The following SORCS2 variants were observed in gnomAD, a reference collection of about 807,000 sequenced individuals.
SORCS2 encodes VPS10 domain-containing receptor SorCS2.
A neutral mutation model predicts 141.6 loss-of-function variants in SORCS2; 100 were observed. That is an observed-to-expected ratio of 0.71 (90% confidence interval 0.60 to 0.83). SORCS2 has a LOEUF of 0.83. SORCS2 is among the 40% of genes least tolerant of loss of function. The probability of loss-of-function intolerance (pLI) is 0.00; values close to 1 mark genes in which losing one functional copy is unlikely to be tolerated. For synonymous variants in SORCS2, 789 were observed against 676.9 expected, an observed-to-expected ratio of 1.17 and a Z score of -2.57; for missense variants, 1,646 against 1,560.2, an observed-to-expected ratio of 1.05 and a Z score of -0.93.
intron 2 of SORCS2, among the ~76,000 whole-genome samples, chr4:7,427,989 A>G (rs1446148482): frequency 3.3e-5 from 5 of 152,108 alleles, no homozygotes; most frequent in African/African-American, 1.2e-4. Context: ...GGGCAGGAAC[A>G]GGTTCGCTCA....
At chr4:7,288,282 C>G (rs1415702527) in intron 1 of SORCS2, among the ~76,000 whole-genome samples, 1 of 152,060 alleles carries the variant, frequency 6.6e-6, no homozygotes, top group Non-Finnish European at 1.5e-5. Context: ...AATTCGGGGC[C>G]TTGCTGAGAC....
chr4:7,390,209 C>T (rs775822465), intron 1 of SORCS2, among the ~76,000 whole-genome samples: 3 of 152,280 alleles, frequency 2.0e-5, no homozygotes, highest in South Asian at 4.1e-4. Context: ...TAAGTTCTTG[C>T]AGTCTTTTAG....
chr4:7,395,930 C>T (rs916156858), intron 1 of SORCS2, among the ~76,000 whole-genome samples: 2 of 152,244 alleles, frequency 1.3e-5, no homozygotes, highest in African/African-American at 4.8e-5. Flanking sequence ...AAATGCGCTC[C>T]ATCCTCACAT....
At chr4:7,487,337 TTA>T (rs1334569834) in intron 2 of SORCS2, among the ~76,000 whole-genome samples, 2 of 152,206 alleles carry the variant, frequency 1.3e-5, no homozygotes, top group African/African-American at 4.8e-5. Flanking sequence ...GTGGGCTGTG[TTA>T]TCCCCATCCT....
chr4:7,317,492 C>T (rs563886229), intron 1 of SORCS2, among the ~76,000 whole-genome samples: 20 of 152,242 alleles, frequency 1.3e-4, no homozygotes, highest in East Asian at 1.9e-4. Context: ...GGCCTGCCAC[C>T]GCCCTGTGCT....
At chr4:7,684,331 GA>G (rs1441008822) in intron 10 of SORCS2, among the ~76,000 whole-genome samples, 2 of 152,212 alleles carry the variant, frequency 1.3e-5, no homozygotes, top group Non-Finnish European at 2.9e-5. Flanking sequence ...AGAATGCAGA[GA>G]CTGGCCTATG....
chr4:7,484,917 C>G (rs1010769722), intron 2 of SORCS2, among the ~76,000 whole-genome samples: 1 of 151,864 alleles, frequency 6.6e-6, no homozygotes, highest in Non-Finnish European at 1.5e-5. Flanking sequence ...CTCCTTAAGG[C>G]CTCCTGGCTT....
rs142004065 is a variant in SORCS2, at chr4:7,599,799, G to A, written c.649-38529G>A. Among the ~76,000 whole-genome samples, 43 of 151,922 alleles carry A rather than the reference G, an allele frequency of 2.8e-4. No individual in the cohort carries two copies. In the East Asian group the frequency reaches 6.2e-3, roughly 22 times the overall value. On this transcript the variant is annotated intron_variant, in intron 3 of 26. Transcript: ENST00000507866. The stretch of plus-strand genomic sequence containing the variant: ...TTTGCCCTAGAGCTTCATCCTAAGA[G>A]CTGTGGGGTGGGTTTTCTTTTTTCT...
intron 2 of SORCS2, among the ~76,000 whole-genome samples, chr4:7,464,571 A>T (rs1297983018): frequency 6.6e-6 from 1 of 152,166 alleles, no homozygotes; most frequent in African/African-American, 2.4e-5. Context: ...TTAGGTTTGT[A>T]GTCTAGAACG....
At chr4:7,385,489 T>C (rs892312036) in intron 1 of SORCS2, among the ~76,000 whole-genome samples, 9 of 152,174 alleles carry the variant, frequency 5.9e-5, no homozygotes, top group Admixed American at 1.3e-4. Context: ...GAGCCTGTTG[T>C]CCTAGCTCCC....
intron 2 of SORCS2, among the ~76,000 whole-genome samples, chr4:7,443,801 C>G (rs907110844): frequency 6.6e-6 from 1 of 152,232 alleles, no homozygotes; most frequent in Non-Finnish European, 1.5e-5. Context: ...GTGGCCTGGC[C>G]TCCTCGTTCC....
chr4:7,634,501 C>T (rs1720108971), intron 3 of SORCS2, among the ~76,000 whole-genome samples: 1 of 152,166 alleles, frequency 6.6e-6, no homozygotes, highest in Non-Finnish European at 1.5e-5. Context: ...TCAGAACAGT[C>T]TCCAATTACA....
chr4:7,313,101 G>A (rs576854160), intron 1 of SORCS2, among the ~76,000 whole-genome samples: 20 of 152,378 alleles, frequency 1.3e-4, no homozygotes, highest in Non-Finnish European at 2.2e-4. Context: ...TCATGGCCCA[G>A]ACTGTGGGAG....
At chr4:7,630,327 T>C (rs1028048465) in intron 3 of SORCS2, among the ~76,000 whole-genome samples, 4 of 152,238 alleles carry the variant, frequency 2.6e-5, no homozygotes, top group Non-Finnish European at 4.4e-5. Flanking sequence ...GCAGACCACC[T>C]GCGATTTCTC....
chr4:7,352,359 A>G (rs565050685), intron 1 of SORCS2, among the ~76,000 whole-genome samples: 1 of 152,378 alleles, frequency 6.6e-6, no homozygotes, highest in South Asian at 2.1e-4. Context: ...ATTCAGTTTT[A>G]CAATGAGGAC....
chr4:7,215,955 A>T (rs1045299425), intron 1 of SORCS2, among the ~76,000 whole-genome samples: 11 of 148,524 alleles, frequency 7.4e-5, no homozygotes, highest in Non-Finnish European at 1.2e-4. Context: ...TGCCGGAGCC[A>T]GCAGTGGCAA....
In SORCS2 at chr4:7,661,513, G is replaced by T. The variant is rs1019030900; in HGVS notation, c.901G>T (p.Val301Leu). The change falls in exon 6 of 27, where the codon GTG becomes TTG. Residue 301 changes from valine to leucine, a missense_variant. Coordinates refer to ENST00000507866, the MANE Select transcript of SORCS2 (RefSeq NM_020777.3). ...KDHVFWSVSG[V>L]DADPDLVHVE... ...CTTCTTTTCCAGGTCTGTGTCTGGGGTGGACGCTGACCCTGACTTGGTCCA... is the reference window on the plus strand; with the variant it reads ...CTTCTTTTCCAGGTCTGTGTCTGGGTTGGACGCTGACCCTGACTTGGTCCA... 1 of 1,551,608 alleles carries T rather than the reference G, an allele frequency of 6.4e-7. No homozygotes were observed. Among genetic ancestry groups the T allele is most frequent in the African/African-American group, 1.4e-5 (1 of 73,016 alleles).
chr4:7,270,637 C>G (rs185462322), intron 1 of SORCS2, among the ~76,000 whole-genome samples: 2 of 152,332 alleles, frequency 1.3e-5, no homozygotes, highest in East Asian at 3.9e-4. Context: ...TTAAAATGTG[C>G]CTTTCCACTA....
chr4:7,592,650 C>T (rs796114978), intron 3 of SORCS2, among the ~76,000 whole-genome samples: 7 of 152,264 alleles, frequency 4.6e-5, no homozygotes, highest in Non-Finnish European at 2.9e-5. Context: ...ATGGGGTCCC[C>T]GAATGACTGT....
Sources: allele counts gnomAD v4.1 joint callset (sites outside exome capture counted in the v4.1 genomes callset), GRCh38; gene constraint gnomAD v4.1.1; transcripts MANE v1.5; gene names NCBI Gene and HGNC (gene_info 2026-07-23, HGNC 2026-07-21).